Variants in COL14A1 observed in about 807,000 individuals in gnomAD.
The protein encoded by COL14A1 is collagen type XIV alpha 1 chain, also known as collagen alpha-1(XIV) chain.
In COL14A1, 136 loss-of-function variants were observed where a neutral mutation model predicts 230.3. That is an observed-to-expected ratio of 0.59 (90% CI 0.51 to 0.68). The LOEUF (loss-of-function observed/expected upper bound fraction) is 0.68, where lower values mean the gene tolerates loss of function less well. Ranked by LOEUF, COL14A1 falls within the 30% of genes least tolerant of loss-of-function variation. The probability of loss-of-function intolerance (pLI) is 0.00; values close to 1 mark genes in which losing one functional copy is unlikely to be tolerated. For synonymous variants in COL14A1, 792 were observed against 784.1 expected (o/e 1.01, Z -0.17); for missense variants, 1,976 against 2,215.8 (o/e 0.89, Z 2.17).
At position 120,227,234 on chromosome 8, in the gene COL14A1, A is replaced by G. The variant is rs1466718204; in HGVS notation, c.2019A>G (p.Glu673=). The change falls in exon 17 of 48, where the codon GAA becomes GAG. Residue 673 remains glutamate (E), a synonymous_variant. Transcript: ENST00000297848. ...ATATATTTCAGGTTGTCCTGAAAGA[A>G]GAGCAGGACTCACATGTTATTGAAG... The part of the protein sequence containing the change: ...GGKTEEVVLK[E]EQDSHVIEGL... The G allele has an allele frequency of 2.5e-6, 4 of 1,613,748 alleles. No individual in the cohort carries two copies. The highest frequency in any genetic ancestry group is 3.4e-6 in the Non-Finnish European group (4 of 1,179,888).
intron 23 of COL14A1, among the ~76,000 whole-genome samples, chr8:120,258,204 G>A (rs766193325): frequency 6.6e-6 from 1 of 152,208 alleles, no homozygotes; most frequent in African/African-American, 2.4e-5. Context: ...ATTTCCTAGA[G>A]ATAAAGTCTT....
At chr8:120,160,662 T>C (rs572387037) in intron 3 of COL14A1, among the ~76,000 whole-genome samples, 2 of 152,364 alleles carry the variant, frequency 1.3e-5, no homozygotes, top group African/African-American at 4.8e-5. Flanking sequence ...GACAATCTGG[T>C]ATCTATTTGA....
At chr8:120,258,545 A>T (rs1819230321) in intron 23 of COL14A1, among the ~76,000 whole-genome samples, 1 of 152,128 alleles carries the variant, frequency 6.6e-6, no homozygotes, top group African/African-American at 2.4e-5. Context: ...ACTGAGGAGG[A>T]ATGGATGCAA....
intron 40 of COL14A1, among the ~76,000 whole-genome samples, chr8:120,327,078 T>A (rs962323848): frequency 2.6e-5 from 4 of 152,154 alleles, no homozygotes; most frequent in African/African-American, 9.7e-5. Flanking sequence ...TGAACAAATT[T>A]GTTATTTGTT....
intron 25 of COL14A1, among the ~76,000 whole-genome samples, chr8:120,269,072 G>A (rs1359988352): frequency 6.6e-6 from 1 of 151,698 alleles, no homozygotes; most frequent in Admixed American, 6.6e-5. Context: ...GAATGAAGTT[G>A]TACTTCATAA....
chr8:120,143,640 A>G (rs1814992537), intron 1 of COL14A1, among the ~76,000 whole-genome samples: 1 of 152,084 alleles, frequency 6.6e-6, no homozygotes, highest in East Asian at 1.9e-4. Flanking sequence ...CAAAAAACAA[A>G]AACAAACACA....
Position 120,325,475 on chromosome 8 carries a change from C to CTGTTTGTT in COL14A1, c.4660-6640_4660-6633dup, listed in dbSNP as rs34330810. 2.6e-3 allele frequency among the ~76,000 whole-genome samples: 389 copies of CTGTTTGTT among 150,742 alleles called. 3 individuals are homozygous for CTGTTTGTT. Among genetic ancestry groups the CTGTTTGTT allele is most frequent in the African/African-American group, 7.6e-3 (313 of 40,984 alleles). On this transcript the variant is annotated intron_variant, in intron 40 of 47. Coordinates refer to ENST00000297848, the MANE Select transcript of COL14A1 (RefSeq NM_021110.4). ...GTACATTGCTTAATTAAGTGTTCTG[C>CTGTTTGTT]TGTTTGTTTGTTTGTTTGTTTGTTT...
At chr8:120,315,670 G>C in intron 39 of COL14A1, 84 bp downstream of exon 39, 1 of 1,154,748 alleles carries the variant, frequency 8.7e-7, no homozygotes, top group Non-Finnish European at 1.3e-6. Flanking sequence ...TCTGAAGTCA[G>C]TTGTGATCTT....
At chr8:120,234,389 C>T (rs1046608140) in intron 19 of COL14A1, among the ~76,000 whole-genome samples, 19 of 152,282 alleles carry the variant, frequency 1.2e-4, no homozygotes, top group African/African-American at 4.6e-4. Flanking sequence ...TTGTCTTGTG[C>T]CGATTTTCAA....
intron 1 of COL14A1, among the ~76,000 whole-genome samples, chr8:120,135,936 G>T (rs1814696346): frequency 6.6e-6 from 1 of 151,786 alleles, no homozygotes; most frequent in Non-Finnish European, 1.5e-5. Flanking sequence ...GAATACAATT[G>T]ATTTTTTGCT....
chr8:120,276,295 C>T (rs1180540963), intron 26 of COL14A1, among the ~76,000 whole-genome samples: 1 of 150,402 alleles, frequency 6.6e-6, no homozygotes, highest in South Asian at 2.1e-4. Context: ...CACTTTTAAG[C>T]GAGAGCTAAG....
intron 5 of COL14A1, among the ~76,000 whole-genome samples, chr8:120,173,697 TTTTA>T (rs2130606691): frequency 6.7e-6 from 1 of 150,296 alleles, no homozygotes; most frequent in African/African-American, 2.5e-5. Context: ...TATCTATCTA[TTTTA>T]CTGCATCTTA....
intron 45 of COL14A1, among the ~76,000 whole-genome samples, chr8:120,349,579 C>A (rs982811473): frequency 7.3e-6 from 1 of 137,794 alleles, no homozygotes; most frequent in Non-Finnish European, 1.5e-5. Context: ...TCGAGAACTA[C>A]GTGAAGAATG....
chr8:120,271,515 G>T (rs542379859), intron 26 of COL14A1, among the ~76,000 whole-genome samples: 2 of 151,732 alleles, frequency 1.3e-5, no homozygotes, highest in Admixed American at 6.6e-5. Context: ...TCTAAATTGT[G>T]TGTGACAGTT....
chr8:120,200,711 C>CCATT (rs1817208196), intron 8 of COL14A1, among the ~76,000 whole-genome samples: 1 of 76,802 alleles, frequency 1.3e-5, no homozygotes, highest in Non-Finnish European at 2.7e-5. Flanking sequence ...AAAAGTTTTC[C>CCATT]TATTTATATA....
At chr8:120,270,325 C>A in intron 26 of COL14A1, 151 bp downstream of exon 26, 2 of 832,894 alleles carry the variant, frequency 2.4e-6, no homozygotes, top group South Asian at 2.6e-5. Flanking sequence ...TGTTTGGAAG[C>A]AGCTTGTTGA....
chr8:120,332,545 G>C, intron 41 of COL14A1, 119 bp from the exon 42 acceptor site: 2 of 813,450 alleles, frequency 2.5e-6, no homozygotes, highest in South Asian at 3.5e-5. Context: ...TGAGGTCCTG[G>C]TGATGAGGGG....
chr8:120,188,374 A>G (rs1395131194), intron 5 of COL14A1, among the ~76,000 whole-genome samples: 1 of 152,078 alleles, frequency 6.6e-6, no homozygotes, highest in Admixed American at 6.6e-5. Flanking sequence ...GAGCCACCAC[A>G]CCCAGACTTA....
At chr8:120,132,661 C>G (rs1396299394) in intron 1 of COL14A1, among the ~76,000 whole-genome samples, 1 of 146,278 alleles carries the variant, frequency 6.8e-6, no homozygotes, top group Non-Finnish European at 1.5e-5. Context: ...TTTTTTTTCT[C>G]TTTGAAACAG....
Sources: gnomAD v4.1 joint callset for allele counts (sites outside exome capture counted in the v4.1 genomes callset) on GRCh38, gnomAD v4.1.1 for gene constraint, MANE v1.5 for transcripts, NCBI Gene and HGNC (gene_info 2026-07-23, HGNC 2026-07-21) for gene names.